Variants in ATP8A2 observed in about 807,000 individuals in gnomAD.
The protein encoded by ATP8A2 is phospholipid-transporting ATPase IB.
A neutral mutation model predicts 165.6 loss-of-function variants in ATP8A2; 100 were observed. The observed-to-expected ratio is 0.60, with a 90% confidence interval of 0.51 to 0.71. ATP8A2 has a LOEUF of 0.71. Ranked by LOEUF, ATP8A2 falls within the 30% of genes least tolerant of loss-of-function variation. The pLI is 0.00. For synonymous variants in ATP8A2, 543 were observed against 548.8 expected (o/e 0.99, Z 0.15); for missense variants, 1,227 against 1,479.5 (o/e 0.83, Z 2.80).
intron 27 of ATP8A2, among the ~76,000 whole-genome samples, chr13:25,790,903 A>T (rs935591828): frequency 2.6e-5 from 4 of 152,146 alleles, no homozygotes; most frequent in Non-Finnish European, 5.9e-5. Context: ...GAGGTGGTGG[A>T]GAAAAAGGAA....
chr13:25,384,727 G>A (rs1380920981), intron 1 of ATP8A2, among the ~76,000 whole-genome samples: 1 of 152,008 alleles, frequency 6.6e-6, no homozygotes, highest in Non-Finnish European at 1.5e-5. Flanking sequence ...ATTTCCTGGA[G>A]GTTCTGAATT....
intron 1 of ATP8A2, among the ~76,000 whole-genome samples, chr13:25,453,641 A>G (rs1225261080): frequency 2.0e-5 from 3 of 152,194 alleles, no homozygotes; most frequent in African/African-American, 4.8e-5. Flanking sequence ...TATCTAGCCT[A>G]TTAATCTTAT....
At chr13:25,566,287 T>C (rs990123788) in intron 16 of ATP8A2, among the ~76,000 whole-genome samples, 2 of 150,666 alleles carry the variant, frequency 1.3e-5, no homozygotes, top group Non-Finnish European at 2.9e-5. Flanking sequence ...ACAGAATCCT[T>C]TCTTGGATTC....
At chr13:25,387,431 G>T (rs2033096279) in intron 1 of ATP8A2, among the ~76,000 whole-genome samples, 1 of 152,000 alleles carries the variant, frequency 6.6e-6, no homozygotes, top group East Asian at 1.9e-4. Flanking sequence ...TAACTATTTC[G>T]GGTGTTGGGC....
chr13:25,821,691 A>G (rs1232870324), intron 27 of ATP8A2, among the ~76,000 whole-genome samples: 1 of 152,164 alleles, frequency 6.6e-6, no homozygotes, highest in Non-Finnish European at 1.5e-5. Flanking sequence ...AGGGTTTCTC[A>G]ACAGTGGCAT....
At chr13:25,915,048 G>A (rs574632280) in intron 33 of ATP8A2, among the ~76,000 whole-genome samples, 56 of 152,288 alleles carry the variant, frequency 3.7e-4, no homozygotes, top group African/African-American at 4.3e-4. Context: ...TTTCTGTGCC[G>A]ACCCACAGCT....
At chr13:26,010,518 T>C (rs1956824337) in intron 35 of ATP8A2, among the ~76,000 whole-genome samples, 1 of 152,216 alleles carries the variant, frequency 6.6e-6, no homozygotes, top group Non-Finnish European at 1.5e-5. Flanking sequence ...CACAGTGCCC[T>C]TTATTTTGTG....
chr13:25,745,825 G>A (rs1566098926), intron 25 of ATP8A2, among the ~76,000 whole-genome samples: 1 of 152,192 alleles, frequency 6.6e-6, no homozygotes, highest in African/African-American at 2.4e-5. Flanking sequence ...AACCACCTGA[G>A]TTTTTTGAAT....
intron 2 of ATP8A2, among the ~76,000 whole-genome samples, chr13:25,481,153 A>AGGGAGATGGAGACCGTG (rs2036183491): frequency 1.6e-5 from 2 of 126,378 alleles, no homozygotes; most frequent in Non-Finnish European, 3.4e-5. Flanking sequence ...GTGGAAAGAG[A>AGGGAGATGGAGACCGTG]GGGAGAGGGA....
intron 27 of ATP8A2, among the ~76,000 whole-genome samples, chr13:25,811,808 C>T (rs1257368076): frequency 6.6e-6 from 1 of 152,212 alleles, no homozygotes; most frequent in African/African-American, 2.4e-5. Flanking sequence ...TTGCAGTAAG[C>T]AATGATTGTG....
intron 25 of ATP8A2, among the ~76,000 whole-genome samples, chr13:25,751,593 G>T (rs1182303181): frequency 6.6e-6 from 1 of 151,988 alleles, no homozygotes; most frequent in African/African-American, 2.4e-5. Flanking sequence ...TGATTGCCAT[G>T]ACTGGCTAAT....
At chr13:25,869,034 A>C (rs1363205132) in intron 33 of ATP8A2, among the ~76,000 whole-genome samples, 2 of 139,184 alleles carry the variant, frequency 1.4e-5, no homozygotes, top group African/African-American at 5.5e-5. Context: ...GCGCCACTGC[A>C]CTCCAGCCTG....
chr13:25,865,999 G>GAA (rs917341595), intron 33 of ATP8A2, among the ~76,000 whole-genome samples: 6 of 152,226 alleles, frequency 3.9e-5, no homozygotes, highest in Middle Eastern at 3.4e-3. Flanking sequence ...GCAAATACTT[G>GAA]AAAATGGAAA....
rs1265277579 is a variant in ATP8A2, at chr13:25,694,140, G to T, written c.2212-5033G>T. On this transcript the variant is annotated intron_variant, in intron 24 of 36. Coordinates refer to ENST00000381655, the MANE Select transcript of ATP8A2 (RefSeq NM_016529.6). Reference sequence around the variant, plus strand: ...AAGAAGAACCATGTATTGGCATCCAGTCTATCCTCATGTGTGCTGCAGAAA... The same window carrying T: ...AAGAAGAACCATGTATTGGCATCCATTCTATCCTCATGTGTGCTGCAGAAA... 2.0e-5 allele frequency among the ~76,000 whole-genome samples: 3 copies of T among 152,180 alleles called. No individual in the cohort carries two copies. In the South Asian group the frequency reaches 6.2e-4, roughly 32 times the overall value.
intron 2 of ATP8A2, among the ~76,000 whole-genome samples, chr13:25,501,088 G>A (rs1389989827): frequency 6.6e-6 from 1 of 152,150 alleles, no homozygotes; most frequent in African/African-American, 2.4e-5. Flanking sequence ...TAGAAGTATG[G>A]TTGGGCAGAA....
chr13:25,961,294 T>G, intron 33 of ATP8A2, among the ~76,000 whole-genome samples: 1 of 152,158 alleles, frequency 6.6e-6, no homozygotes, highest in East Asian at 1.9e-4. Context: ...TAGGAAGGAT[T>G]TAAGACAACA....
chr13:25,867,839 A>T (rs1952556268), intron 33 of ATP8A2: 1 of 183,964 alleles, frequency 5.4e-6, no homozygotes, highest in African/African-American at 2.4e-5. Context: ...CACAGGAGGA[A>T]AACCACCCTC....
At chr13:25,610,601 C>G (rs2040658144) in intron 24 of ATP8A2, among the ~76,000 whole-genome samples, 1 of 151,990 alleles carries the variant, frequency 6.6e-6, no homozygotes, top group African/African-American at 2.4e-5. Context: ...TATGTGGGCT[C>G]TCTTTTGGTT....
chr13:25,571,837 T>G, intron 18 of ATP8A2, 145 bp downstream of exon 18: 1 of 765,214 alleles, frequency 1.3e-6, no homozygotes, highest in Non-Finnish European at 2.3e-6. Flanking sequence ...GTTAATGTGA[T>G]TATATTAGCT....
Sources: allele counts gnomAD v4.1 joint callset (sites outside exome capture counted in the v4.1 genomes callset), GRCh38; gene constraint gnomAD v4.1.1; transcripts MANE v1.5; gene names NCBI Gene and HGNC (gene_info 2026-07-23, HGNC 2026-07-21).